Variants in VDAC1 observed in about 807,000 individuals in gnomAD.
VDAC1 encodes the protein voltage dependent anion channel 1.
VDAC1 carries 10 observed loss-of-function variants against 34.7 expected under a neutral mutation model. That is an observed-to-expected ratio of 0.29 (90% CI 0.18 to 0.49). VDAC1 has a LOEUF of 0.49. VDAC1 is among the 20% of genes least tolerant of loss of function. The pLI, the probability that VDAC1 is intolerant of heterozygous loss-of-function variation, is 0.99. For missense variants in VDAC1, 230 were observed against 347.9 expected, an observed-to-expected ratio of 0.66 and a Z score of 2.69; for synonymous variants, 130 against 136.0, an observed-to-expected ratio of 0.96 and a Z score of 0.30.
chr5:133,988,301 AG>A (rs1491180537), intron 5 of VDAC1, among the ~76,000 whole-genome samples: 2 of 151,400 alleles, frequency 1.3e-5, no homozygotes, highest in African/African-American at 4.8e-5. Flanking sequence ...TAAAAAAAAA[AG>A]GGGGGCAGGT....
chr5:133,974,231 A>C (rs1328419642), intron 7 of VDAC1, among the ~76,000 whole-genome samples: 2 of 152,168 alleles, frequency 1.3e-5, no homozygotes, highest in Non-Finnish European at 2.9e-5. Context: ...AAATTACACA[A>C]ACCAGTACAG....
chr5:134,001,552 T>C (rs541425322), intron 1 of VDAC1, among the ~76,000 whole-genome samples: 2 of 151,350 alleles, frequency 1.3e-5, no homozygotes, highest in African/African-American at 2.4e-5. Context: ...CCATCTCTAC[T>C]AAAAAATACA....
the VDAC1 span, among the ~76,000 whole-genome samples, chr5:134,098,523 C>T: frequency 6.6e-6 from 1 of 152,220 alleles, no homozygotes; most frequent in Non-Finnish European, 1.5e-5. Flanking sequence ...CCACACCCGG[C>T]CAAGGATTCC....
intron 5 of VDAC1, among the ~76,000 whole-genome samples, chr5:133,982,310 G>A (rs188591221): frequency 2.0e-5 from 3 of 152,062 alleles, no homozygotes; most frequent in East Asian, 1.9e-4. Context: ...TCAGAAGTTC[G>A]AGACCAGCCT....
chr5:134,086,447 G>A, the VDAC1 span, among the ~76,000 whole-genome samples: 1 of 152,290 alleles, frequency 6.6e-6, no homozygotes, highest in South Asian at 2.1e-4. Flanking sequence ...CCCCAAGGGT[G>A]CTCGGATATT....
chr5:134,111,600 G>GC, the VDAC1 span, among the ~76,000 whole-genome samples: 2 of 152,120 alleles, frequency 1.3e-5, no homozygotes, highest in African/African-American at 4.8e-5. Context: ...CTCTCTGCCA[G>GC]CAAAGGTCTT....
chr5:134,081,557 T>C, the VDAC1 span, among the ~76,000 whole-genome samples: 17,871 of 152,276 alleles, frequency 0.12, 1,571 homozygotes, highest in African/African-American at 0.24. Context: ...AAGTATTATT[T>C]GTATTTGACC....
intron 1 of VDAC1, among the ~76,000 whole-genome samples, chr5:134,000,232 T>C (rs1020765875): frequency 1.3e-5 from 2 of 152,194 alleles, no homozygotes; most frequent in Admixed American, 6.5e-5. Context: ...TGTGTTCTGG[T>C]AGCAGGTCTG....
At chr5:134,058,436 C>G in the VDAC1 span, among the ~76,000 whole-genome samples, 1 of 152,048 alleles carries the variant, frequency 6.6e-6, no homozygotes, top group African/African-American at 2.4e-5. Context: ...GCCTCAGCCT[C>G]CCAAGTAGCT....
the VDAC1 span, among the ~76,000 whole-genome samples, chr5:134,085,614 G>A: frequency 4.2e-3 from 627 of 149,274 alleles, 5 homozygotes; most frequent in African/African-American, 0.014. Context: ...AGGGCCAGGC[G>A]CAGTGGCTCA....
chr5:134,080,332 G>C, the VDAC1 span, among the ~76,000 whole-genome samples: 2 of 152,362 alleles, frequency 1.3e-5, no homozygotes, highest in South Asian at 2.1e-4. Context: ...GAGCCAGTGA[G>C]AGATGCCAGG....
chr5:134,026,886 A>G, the VDAC1 span, among the ~76,000 whole-genome samples: 1 of 152,358 alleles, frequency 6.6e-6, no homozygotes, highest in East Asian at 1.9e-4. Context: ...GTGGAAACTG[A>G]GGCTGCTGAA....
the VDAC1 span, among the ~76,000 whole-genome samples, chr5:134,081,433 C>T: frequency 5.4e-4 from 82 of 152,368 alleles, no homozygotes; most frequent in African/African-American, 1.9e-3. Context: ...CCCACCTCAG[C>T]CTCCCAAAGT....
chr5:133,995,579 C>T (rs1753268255), intron 1 of VDAC1, among the ~76,000 whole-genome samples: 1 of 152,102 alleles, frequency 6.6e-6, no homozygotes, highest in South Asian at 2.1e-4. Flanking sequence ...GGATGACTCA[C>T]CCTTTCACTA....
chr5:134,012,994 A>G, the VDAC1 span, among the ~76,000 whole-genome samples: 7 of 152,324 alleles, frequency 4.6e-5, no homozygotes, highest in South Asian at 1.4e-3. Context: ...CAATGGGGAA[A>G]GGACTCCCTA....
the VDAC1 span, among the ~76,000 whole-genome samples, chr5:134,078,431 A>G: frequency 6.6e-6 from 1 of 152,128 alleles, no homozygotes; most frequent in Non-Finnish European, 1.5e-5. Context: ...CACAAGGCCC[A>G]GGAGGACAGG....
chr5:133,977,639 C>A (rs1277416120), intron 6 of VDAC1, among the ~76,000 whole-genome samples: 5 of 152,192 alleles, frequency 3.3e-5, no homozygotes, highest in Non-Finnish European at 7.3e-5. Flanking sequence ...GGGGTCGGCA[C>A]AGATCATAGA....
chr5:134,010,985 A>G, the VDAC1 span, among the ~76,000 whole-genome samples: 4 of 138,252 alleles, frequency 2.9e-5, no homozygotes, highest in East Asian at 8.0e-4. Flanking sequence ...TTTTTTTTGT[A>G]GGGGCACTTA....
chr5:133,997,494 T>A (rs1302179350), intron 1 of VDAC1, among the ~76,000 whole-genome samples: 1 of 149,434 alleles, frequency 6.7e-6, no homozygotes, highest in Non-Finnish European at 1.5e-5. Flanking sequence ...GGCCAGGACT[T>A]CCAGATCAAC....
Sources: allele counts gnomAD v4.1 joint callset (sites outside exome capture counted in the v4.1 genomes callset), GRCh38; gene constraint gnomAD v4.1.1; transcripts MANE v1.5; gene names NCBI Gene and HGNC (gene_info 2026-07-23, HGNC 2026-07-21).